The following YAE1 variants were observed in gnomAD, a reference collection of about 807,000 sequenced individuals.
YAE1 encodes the protein protein YAE1 homolog.
YAE1 carries 22 observed loss-of-function variants against 23.0 expected under a neutral mutation model. That is an observed-to-expected ratio of 0.96 (90% CI 0.68 to 1.37). YAE1 has a LOEUF of 1.37. Ranked by LOEUF, YAE1 falls within the 40% of genes most tolerant of loss-of-function variation. The pLI is 0.00. For synonymous variants in YAE1, 101 were observed against 97.0 expected (o/e 1.04, Z -0.24); for missense variants, 260 against 262.1 (o/e 0.99, Z 0.06).
At chr7:39,602,114 G>C (rs1041146800) in intron 2 of YAE1, among the ~76,000 whole-genome samples, 2 of 152,178 alleles carry the variant, frequency 1.3e-5, no homozygotes, top group African/African-American at 4.8e-5. Flanking sequence ...AATCATGTTT[G>C]TTATTTCCAT....
intron 2 of YAE1, among the ~76,000 whole-genome samples, chr7:39,591,119 G>A (rs1790895383): frequency 6.6e-6 from 1 of 152,204 alleles, no homozygotes; most frequent in African/African-American, 2.4e-5. Flanking sequence ...GTGTGCACAT[G>A]TGTTGGGGTG....
intron 2 of YAE1, among the ~76,000 whole-genome samples, chr7:39,582,435 C>T (rs1028401247): frequency 5.9e-5 from 9 of 152,122 alleles, no homozygotes; most frequent in Admixed American, 4.6e-4. Flanking sequence ...AGAAGGAAAA[C>T]TCATTTAATT....
At chr7:39,594,339 C>T (rs1394566206) in intron 2 of YAE1, among the ~76,000 whole-genome samples, 1 of 152,176 alleles carries the variant, frequency 6.6e-6, no homozygotes, top group African/African-American at 2.4e-5. Context: ...TAATACATAA[C>T]CTGTATGATT....
chr7:39,580,260 A>G (rs765293552), intron 2 of YAE1, among the ~76,000 whole-genome samples: 2 of 152,152 alleles, frequency 1.3e-5, no homozygotes, highest in African/African-American at 4.8e-5. Flanking sequence ...AGTTTATGTC[A>G]CTCATTTTGT....
chr7:39,609,548 A>G (rs1015006525), intron 2 of YAE1: 1 of 1,490,436 alleles, frequency 6.7e-7, no homozygotes, highest in African/African-American at 1.4e-5. Context: ...AATTGGGAGA[A>G]TGGGGAAAGT....
chr7:39,588,177 T>C (rs1455701102), intron 2 of YAE1, among the ~76,000 whole-genome samples: 1 of 152,198 alleles, frequency 6.6e-6, no homozygotes, highest in Non-Finnish European at 1.5e-5. Context: ...TAGTCCTTCT[T>C]TGTACATGTT....
chr7:39,584,327 A>G (rs937015250), intron 2 of YAE1, among the ~76,000 whole-genome samples: 2 of 152,136 alleles, frequency 1.3e-5, no homozygotes, highest in African/African-American at 2.4e-5. Context: ...ACTACTAGCA[A>G]TAGTTATGGG....
At chr7:39,577,132 G>T (rs527639816), downstream of YAE1, among the ~76,000 whole-genome samples, 2 of 152,310 alleles carry the variant, frequency 1.3e-5, no homozygotes, top group South Asian at 4.1e-4. Context: ...CTGACCTCAG[G>T]TGATCCACCC....
intron 2 of YAE1, among the ~76,000 whole-genome samples, chr7:39,606,543 A>G (rs1447089688): frequency 3.3e-5 from 5 of 152,176 alleles, no homozygotes; most frequent in Non-Finnish European, 7.3e-5. Flanking sequence ...AATCTACTCC[A>G]CCCTGATGAC....
chr7:39,571,491 G>A (rs1357917686), intron 2 of YAE1, among the ~76,000 whole-genome samples: 1 of 151,650 alleles, frequency 6.6e-6, no homozygotes, highest in East Asian at 1.9e-4. Context: ...AAAACAAACC[G>A]AAAAATTTAT....
chr7:39,610,413 C>G, downstream of YAE1: 1 of 455,054 alleles, frequency 2.2e-6, no homozygotes, highest in South Asian at 1.6e-5. Context: ...TCTGCAGGTC[C>G]ATTTTATACG....
At chr7:39,610,941 A>T (rs938532848), downstream of YAE1, among the ~76,000 whole-genome samples, 61 of 152,052 alleles carry the variant, frequency 4.0e-4, no homozygotes, top group Non-Finnish European at 7.8e-4. Flanking sequence ...GCTTGAGGAG[A>T]GTTCGTGATC....
chr7:39,590,528 G>GT (rs1562594223), intron 2 of YAE1, among the ~76,000 whole-genome samples: 1 of 152,050 alleles, frequency 6.6e-6, no homozygotes, highest in Admixed American at 6.6e-5. Flanking sequence ...GAATTCAGAT[G>GT]TTTTTTTAAT....
chr7:39,588,570 T>G (rs932602613), intron 2 of YAE1, among the ~76,000 whole-genome samples: 4 of 151,554 alleles, frequency 2.6e-5, no homozygotes, highest in African/African-American at 9.7e-5. Context: ...TGCACAGTAG[T>G]CGCAGGAAAC....
intron 2 of YAE1, among the ~76,000 whole-genome samples, chr7:39,600,265 C>T (rs1404472997): frequency 6.6e-6 from 1 of 152,050 alleles, no homozygotes; most frequent in Non-Finnish European, 1.5e-5. Flanking sequence ...AGTTCTTGCC[C>T]CCAGTACTTC....
chr7:39,594,540 A>G (rs1207883662), intron 2 of YAE1, among the ~76,000 whole-genome samples: 7 of 151,616 alleles, frequency 4.6e-5, no homozygotes, highest in Non-Finnish European at 4.4e-5. Flanking sequence ...TTCAGAGTTT[A>G]TAAGTATTAC....
chr7:39,610,139 A>G, exon 3 of YAE1: 4 of 862,252 alleles, frequency 4.6e-6, no homozygotes, highest in South Asian at 3.7e-5. Flanking sequence ...CACGTCTCTC[A>G]AACTATGAAG....
chr7:39,577,098 G>A (rs531904557), downstream of YAE1, among the ~76,000 whole-genome samples: 1 of 152,234 alleles, frequency 6.6e-6, no homozygotes, highest in East Asian at 1.9e-4. Flanking sequence ...GTTTCATCAT[G>A]TTGGCCAGGC....
At chr7:39,605,727 TTCTC>T (rs758874699) in intron 2 of YAE1, among the ~76,000 whole-genome samples, 1 of 151,988 alleles carries the variant, frequency 6.6e-6, no homozygotes. Flanking sequence ...CAATCTTTTT[TTCTC>T]TCTCTCTCTG....
Sources: allele counts gnomAD v4.1 joint callset (sites outside exome capture counted in the v4.1 genomes callset), GRCh38; gene constraint gnomAD v4.1.1; transcripts MANE v1.5; gene names NCBI Gene and HGNC (gene_info 2026-07-23, HGNC 2026-07-21).